Variants in RGL1 observed in about 807,000 individuals in gnomAD.
RGL1 encodes ral guanine nucleotide dissociation stimulator-like 1.
In RGL1, 24 loss-of-function variants were observed where a neutral mutation model predicts 95.2. That is an observed-to-expected ratio of 0.25 (90% CI 0.18 to 0.35). RGL1 has a LOEUF of 0.35. RGL1 is among the 10% of genes least tolerant of loss of function. RGL1 has a pLI of 1.00. For synonymous variants in RGL1, 329 were observed against 344.9 expected, an observed-to-expected ratio of 0.95 and a Z score of 0.51; for missense variants, 715 against 936.3, an observed-to-expected ratio of 0.76 and a Z score of 3.08.
intron 1 of RGL1, among the ~76,000 whole-genome samples, chr1:183,734,331 A>C (rs1656806648): frequency 6.6e-6 from 1 of 152,132 alleles, no homozygotes; most frequent in African/African-American, 2.4e-5. Flanking sequence ...AGTGGAGTGG[A>C]GTGGTGAGGG....
At chr1:183,907,784 G>C (rs1668422117) in intron 14 of RGL1, among the ~76,000 whole-genome samples, 1 of 152,168 alleles carries the variant, frequency 6.6e-6, no homozygotes, top group Non-Finnish European at 1.5e-5. Context: ...GAGGCCAGGA[G>C]TTTGAGACCA....
At chr1:183,861,829 T>C (rs1283202013) in intron 3 of RGL1, among the ~76,000 whole-genome samples, 9 of 152,194 alleles carry the variant, frequency 5.9e-5, no homozygotes. Context: ...TACACACTCA[T>C]ACACACACTT....
At chr1:183,728,792 A>G (rs1656457020) in intron 1 of RGL1, among the ~76,000 whole-genome samples, 1 of 152,216 alleles carries the variant, frequency 6.6e-6, no homozygotes, top group African/African-American at 2.4e-5. Flanking sequence ...TTTGACACAT[A>G]GATCAATTAA....
chr1:183,767,235 A>G (rs547110219), intron 2 of RGL1, among the ~76,000 whole-genome samples: 1 of 151,372 alleles, frequency 6.6e-6, no homozygotes, highest in East Asian at 1.9e-4. Context: ...TCTCAAAAAA[A>G]AAAAAAAAAA....
chr1:183,792,693 G>A (rs1369595720), intron 2 of RGL1, among the ~76,000 whole-genome samples: 2 of 151,830 alleles, frequency 1.3e-5, no homozygotes, highest in Admixed American at 6.6e-5. Context: ...AAGAAATAAA[G>A]CAACCCCATT....
intron 1 of RGL1, among the ~76,000 whole-genome samples, chr1:183,639,294 A>G (rs1199416970): frequency 1.3e-5 from 2 of 152,066 alleles, no homozygotes; most frequent in South Asian, 2.1e-4. Context: ...AAAAAAAAAA[A>G]AAAAGAAAAA....
rs1659754696 is a variant in RGL1 at position 183,779,166 on chromosome 1, T to TCCTC, written c.133-27206_133-27205insCCCT. ...CAAAATTTCAAAATTTTCCCTTCCTTCCTTCCTTCCTTCCTTCCTTCCTTC... is the reference window on the plus strand; with the variant it reads ...CAAAATTTCAAAATTTTCCCTTCCTTCCTCCCTTCCTTCCTTCCTTCCTTCCTTC... On this transcript the variant is annotated intron_variant, in intron 2 of 18. Transcript: ENST00000304685. Among the ~76,000 whole-genome samples the TCCTC allele has an allele frequency of 1.4e-4, 8 of 59,004 alleles. No individual in the cohort carries two copies. The East Asian group carries it at 2.8e-3, about 21-fold the overall frequency. The allele number at this position is 59,004 out of a possible 152,430, so 38.7% of individuals were successfully genotyped here.
chr1:183,904,635 T>A (rs2102707311), intron 12 of RGL1, among the ~76,000 whole-genome samples: 1 of 152,256 alleles, frequency 6.6e-6, no homozygotes, highest in East Asian at 1.9e-4. Flanking sequence ...GATTAAAAAT[T>A]AAAGCATACA....
At chr1:183,799,376 A>C (rs775778872) in intron 2 of RGL1, among the ~76,000 whole-genome samples, 2 of 152,194 alleles carry the variant, frequency 1.3e-5, no homozygotes, top group East Asian at 3.8e-4. Flanking sequence ...TTAATTTTTT[A>C]GGAATCACCA....
intron 2 of RGL1, among the ~76,000 whole-genome samples, chr1:183,822,535 C>T (rs1662560767): frequency 6.6e-6 from 1 of 152,096 alleles, no homozygotes; most frequent in South Asian, 2.1e-4. Flanking sequence ...TGAGTATTTC[C>T]AGTCCTGTTG....
At chr1:183,666,005 CTTTT>C (rs746295660) in intron 1 of RGL1, among the ~76,000 whole-genome samples, 1 of 130,716 alleles carries the variant, frequency 7.7e-6, no homozygotes. Context: ...TTCTTTTTTT[CTTTT>C]TTTTTTTTTT....
chr1:183,828,316 A>G (rs1663014302), intron 2 of RGL1, among the ~76,000 whole-genome samples: 1 of 152,238 alleles, frequency 6.6e-6, no homozygotes, highest in Non-Finnish European at 1.5e-5. Flanking sequence ...TAATTTGCCT[A>G]CGATGATGTC....
Position 183,926,690 on chromosome 1 carries a change from T to TAGAAGAAACTGAGAACCTAGTCTC in RGL1, c.*399_*422dup, listed in dbSNP as rs1207572552. On this transcript the variant is annotated 3_prime_UTR_variant, in exon 18 of 18. Coordinates refer to ENST00000360851, the MANE Select transcript of RGL1 (RefSeq NM_001297671.3). ...GTTGAGGTCACTTTTTACAGGGAAA[T>TAGAAGAAACTGAGAACCTAGTCTC]AGAAGAAACTGAGAACCTAGTCTCG... The TAGAAGAAACTGAGAACCTAGTCTC allele has an allele frequency of 2.0e-5, 3 of 153,686 alleles. No individual in the cohort carries two copies. The highest frequency in any genetic ancestry group is 7.2e-5 in the African/African-American group (3 of 41,420). The allele number at this position is 153,686 out of a possible 1,614,324, so 9.5% of individuals were successfully genotyped here.
chr1:183,725,776 G>C (rs1253842453), intron 1 of RGL1, among the ~76,000 whole-genome samples: 5 of 152,140 alleles, frequency 3.3e-5, no homozygotes, highest in Non-Finnish European at 7.4e-5. Flanking sequence ...TCAACAAATA[G>C]AAATATGGAA....
intron 4 of RGL1, among the ~76,000 whole-genome samples, chr1:183,873,406 A>G (rs1414416657): frequency 6.6e-6 from 1 of 152,128 alleles, no homozygotes; most frequent in African/African-American, 2.4e-5. Context: ...ATGCTGAGAT[A>G]TTGTCCTCAC....
intron 1 of RGL1, among the ~76,000 whole-genome samples, chr1:183,682,176 T>G (rs573970372): frequency 2.7e-4 from 41 of 152,356 alleles, no homozygotes; most frequent in Non-Finnish European, 4.4e-4. Context: ...CCTTGAGTTC[T>G]GCTCTGGTCT....
intron 2 of RGL1, among the ~76,000 whole-genome samples, chr1:183,762,053 C>A (rs191128049): frequency 1.8e-4 from 27 of 152,340 alleles, no homozygotes; most frequent in Admixed American, 9.8e-4. Context: ...GTTTGATCTT[C>A]TGCCAGACCA....
chr1:183,768,137 G>A (rs1423129213), intron 2 of RGL1, among the ~76,000 whole-genome samples: 1 of 150,274 alleles, frequency 6.7e-6, no homozygotes, highest in African/African-American at 2.4e-5. Context: ...CATGAAGGTA[G>A]ACACACAGAG....
chr1:183,880,856 C>T (rs1408936997), intron 5 of RGL1, 56 bp downstream of exon 5: 21 of 1,511,988 alleles, frequency 1.4e-5, no homozygotes, highest in South Asian at 2.4e-5. Flanking sequence ...CCAGCCTCCA[C>T]GCTGGAGAAA....
Sources: gnomAD v4.1 joint callset for allele counts (sites outside exome capture counted in the v4.1 genomes callset) on GRCh38, gnomAD v4.1.1 for gene constraint, MANE v1.5 for transcripts, NCBI Gene and HGNC (gene_info 2026-07-23, HGNC 2026-07-21) for gene names.